The following SPTLC2 variants were observed in gnomAD, a reference collection of about 807,000 sequenced individuals.
The protein encoded by SPTLC2 is serine palmitoyltransferase long chain base subunit 2, also known as serine palmitoyltransferase 2.
In SPTLC2, 21 loss-of-function variants were observed where a neutral mutation model predicts 62.0. The observed-to-expected ratio is 0.34, with a 90% CI of 0.24 to 0.49. SPTLC2 has a LOEUF of 0.49. SPTLC2 is among the 20% of genes least tolerant of loss of function. SPTLC2 has a pLI of 0.99. For synonymous variants in SPTLC2, 261 were observed against 261.8 expected (o/e 1.00, Z 0.03); for missense variants, 511 against 713.0 (o/e 0.72, Z 3.23).
At chr14:77,591,320 G>T (rs2079815243) in intron 2 of SPTLC2, among the ~76,000 whole-genome samples, 1 of 152,230 alleles carries the variant, frequency 6.6e-6, no homozygotes, top group East Asian at 1.9e-4. Flanking sequence ...GCTGCCGAGG[G>T]TGGGGAGGGT....
At chr14:77,592,431 G>A (rs375999974) in intron 2 of SPTLC2, among the ~76,000 whole-genome samples, 16 of 152,052 alleles carry the variant, frequency 1.1e-4, no homozygotes, top group African/African-American at 1.4e-4. Flanking sequence ...CATCGCACCC[G>A]GCTGTACGCT....
intron 1 of SPTLC2, among the ~76,000 whole-genome samples, chr14:77,604,280 G>A (rs1160472989): frequency 1.3e-5 from 2 of 152,158 alleles, no homozygotes; most frequent in African/African-American, 4.8e-5. Context: ...CCAATGTCCT[G>A]AAGAAAGGGT....
chr14:77,522,309 C>G (rs1476636474), intron 9 of SPTLC2, among the ~76,000 whole-genome samples: 3 of 152,006 alleles, frequency 2.0e-5, no homozygotes, highest in Non-Finnish European at 4.4e-5. Context: ...GTTACGGGTG[C>G]ACATCACCAC....
intron 1 of SPTLC2, among the ~76,000 whole-genome samples, chr14:77,600,382 C>T (rs1455291937): frequency 4.6e-5 from 7 of 152,126 alleles, no homozygotes; most frequent in Admixed American, 2.6e-4. Flanking sequence ...CAGATGGGCA[C>T]GCCAACTGAC....
intron 11 of SPTLC2, among the ~76,000 whole-genome samples, chr14:77,515,673 C>T (rs1179295699): frequency 6.6e-6 from 1 of 151,244 alleles, no homozygotes; most frequent in Non-Finnish European, 1.5e-5. Flanking sequence ...CCTCAGTCTC[C>T]CGAGTAGCTG....
rs45613436 is a variant in SPTLC2, at chr14:77,562,362, C to T, written c.850+34G>A. 60,159 of 1,594,998 alleles carry T rather than the reference C, an allele frequency of 0.038. 1,219 individuals are homozygous for T. Among genetic ancestry groups the T allele is most frequent in the Middle Eastern group, 0.071 (424 of 5,996 alleles). Reference sequence around the variant, plus strand: ...ACCATGGATCGAAAGAATAGCAAAACCAAGGCCAGCAGTGAATTCTTCAGC... The same window carrying T: ...ACCATGGATCGAAAGAATAGCAAAATCAAGGCCAGCAGTGAATTCTTCAGC... On this transcript the variant is annotated intron_variant, in intron 6 of 11. Transcript: ENST00000216484.
intron 6 of SPTLC2, among the ~76,000 whole-genome samples, chr14:77,558,535 A>C (rs1016452902): frequency 3.3e-5 from 5 of 152,312 alleles, no homozygotes; most frequent in Non-Finnish European, 7.4e-5. Flanking sequence ...GTAATTTCTA[A>C]GAAAAAAATC....
chr14:77,559,456 A>C (rs2079603104), intron 6 of SPTLC2, among the ~76,000 whole-genome samples: 1 of 152,250 alleles, frequency 6.6e-6, no homozygotes. Flanking sequence ...TCCCAGAAGA[A>C]AACATGAAAG....
intron 9 of SPTLC2, among the ~76,000 whole-genome samples, chr14:77,523,363 G>A (rs2079393886): frequency 6.6e-6 from 1 of 152,176 alleles, no homozygotes; most frequent in Non-Finnish European, 1.5e-5. Flanking sequence ...AGGGAAGGAG[G>A]GCCCAGTCTT....
intron 2 of SPTLC2, among the ~76,000 whole-genome samples, chr14:77,581,663 C>T (rs1261915357): frequency 6.6e-6 from 1 of 152,094 alleles, no homozygotes; most frequent in Non-Finnish European, 1.5e-5. Flanking sequence ...CCACCCACCT[C>T]GGCCTCCCAA....
At chr14:77,521,377 A>G (rs748684477) in intron 10 of SPTLC2, 69 bp downstream of exon 10, 5 of 1,598,642 alleles carry the variant, frequency 3.1e-6, no homozygotes, top group Admixed American at 3.3e-5. Context: ...AACAAAATAC[A>G]TAAGCCCTGG....
chr14:77,530,616 C>T (rs1415955690), intron 9 of SPTLC2, among the ~76,000 whole-genome samples: 1 of 152,200 alleles, frequency 6.6e-6, no homozygotes, highest in African/African-American at 2.4e-5. Context: ...ATATAAGTAA[C>T]TTCTGAGAGG....
chr14:77,529,616 C>CTTT (rs2079426848), intron 9 of SPTLC2, among the ~76,000 whole-genome samples: 1 of 83,466 alleles, frequency 1.2e-5, no homozygotes, highest in East Asian at 6.3e-4. Flanking sequence ...CAATTTCTTT[C>CTTT]TTTCTTTTTT....
At chr14:77,538,184 G>A (rs970969355) in intron 9 of SPTLC2, among the ~76,000 whole-genome samples, 2 of 152,112 alleles carry the variant, frequency 1.3e-5, no homozygotes, top group Non-Finnish European at 2.9e-5. Context: ...AGCTTTTGAG[G>A]TTTTCCTTTA....
At chr14:77,534,839 G>T (rs2096312815) in intron 9 of SPTLC2, among the ~76,000 whole-genome samples, 3 of 152,102 alleles carry the variant, frequency 2.0e-5, no homozygotes, top group Admixed American at 6.6e-5. Context: ...CCTTTATGCA[G>T]CTTACATTCC....
At position 77,616,597 on chromosome 14, in the gene SPTLC2, G is replaced by A. The variant is rs1293529964; in HGVS notation, c.-18C>T. 1.2e-5 allele frequency: 19 copies of A among 1,537,480 alleles called. No individual in the cohort carries two copies. The highest frequency in any genetic ancestry group is 1.5e-5 in the Non-Finnish European group (17 of 1,147,864). ...GGCCGCATCTTCCTGGCAGCACCAG[G>A]CGCAAGGCAGGCTCTGTAGGCGGTG... On this transcript the variant is annotated 5_prime_UTR_variant, in exon 1 of 12. Transcript: ENST00000216484.
At chr14:77,616,047 A>G (rs919726626) in intron 1 of SPTLC2, among the ~76,000 whole-genome samples, 1 of 152,216 alleles carries the variant, frequency 6.6e-6, no homozygotes, top group Non-Finnish European at 1.5e-5. Flanking sequence ...GGACGACTGC[A>G]GGACTTTAAA....
intron 4 of SPTLC2, among the ~76,000 whole-genome samples, chr14:77,574,417 C>G (rs895984141): frequency 6.6e-6 from 1 of 152,216 alleles, no homozygotes. Flanking sequence ...ACAGTACGGT[C>G]TCTTTGGAAA....
At chr14:77,554,736 C>T (rs924279831) in intron 8 of SPTLC2, 5 of 160,726 alleles carry the variant, frequency 3.1e-5, no homozygotes, top group Non-Finnish European at 5.5e-5. Flanking sequence ...TTCACCATTT[C>T]GACCACACCA....
Sources: gnomAD v4.1 joint callset for allele counts (sites outside exome capture counted in the v4.1 genomes callset) on GRCh38, gnomAD v4.1.1 for gene constraint, MANE v1.5 for transcripts, NCBI Gene and HGNC (gene_info 2026-07-23, HGNC 2026-07-21) for gene names.